The following OPCML variants were observed in gnomAD, a reference collection of about 807,000 sequenced individuals.
OPCML encodes the protein opioid binding protein/cell adhesion molecule like, also known as opioid-binding protein/cell adhesion molecule.
In OPCML, 13 loss-of-function variants were observed where a neutral mutation model predicts 37.8. The observed-to-expected ratio is 0.34, with a 90% CI of 0.22 to 0.55. OPCML has a LOEUF of 0.55. Among genes scored for constraint, OPCML ranks in the 20% least tolerant of loss-of-function variants. OPCML has a pLI of 0.91. For synonymous variants in OPCML, 176 were observed against 168.8 expected (o/e 1.04, Z -0.33); for missense variants, 341 against 435.6 (o/e 0.78, Z 1.93).
At chr11:133,062,381 G>A (rs775493863) in intron 1 of OPCML, among the ~76,000 whole-genome samples, 9 of 152,122 alleles carry the variant, frequency 5.9e-5, no homozygotes, top group East Asian at 1.9e-4. Flanking sequence ...GTGTCTTCTC[G>A]AGCCTTTTCT....
intron 2 of OPCML, among the ~76,000 whole-genome samples, chr11:132,932,152 G>A (rs1285829424): frequency 6.6e-6 from 1 of 152,154 alleles, no homozygotes; most frequent in East Asian, 1.9e-4. Context: ...AAGCTGGGGG[G>A]AGGGAAGAAT....
intron 1 of OPCML, among the ~76,000 whole-genome samples, chr11:133,052,000 T>C (rs7108715): frequency 0.84 from 127,784 of 152,210 alleles, 53,814 homozygotes; most frequent in Middle Eastern, 0.92. Context: ...GCAAAGCTTC[T>C]TTAGAATTTG....
intron 1 of OPCML, among the ~76,000 whole-genome samples, chr11:133,082,936 A>C (rs1456565903): frequency 2.3e-4 from 35 of 150,354 alleles, no homozygotes; most frequent in Non-Finnish European, 4.6e-4. Context: ...GCCGGGGCGG[A>C]CGTCGCGCCA....
chr11:132,636,121 T>G (rs886393893), intron 3 of OPCML, among the ~76,000 whole-genome samples: 4 of 152,194 alleles, frequency 2.6e-5, no homozygotes, highest in African/African-American at 7.2e-5. Context: ...TGTATTCAGA[T>G]TTTTAGGGTC....
chr11:132,712,827 A>AT (rs1352168468), intron 2 of OPCML, among the ~76,000 whole-genome samples: 1 of 152,182 alleles, frequency 6.6e-6, no homozygotes, highest in Non-Finnish European at 1.5e-5. Flanking sequence ...GGGAAATGAC[A>AT]TGCAGTTTAC....
At chr11:133,289,522 G>A (rs1942407384) in intron 1 of OPCML, among the ~76,000 whole-genome samples, 1 of 149,010 alleles carries the variant, frequency 6.7e-6, no homozygotes, top group South Asian at 2.2e-4. Context: ...GTGAACCCGG[G>A]AGGCGGAGCT....
intron 3 of OPCML, among the ~76,000 whole-genome samples, chr11:132,601,569 G>A (rs1029192849): frequency 2.0e-5 from 3 of 152,220 alleles, no homozygotes; most frequent in African/African-American, 4.8e-5. Context: ...GATAATTAAA[G>A]GATATCTGGT....
At chr11:132,488,567 C>G (rs868040992) in intron 4 of OPCML, among the ~76,000 whole-genome samples, 1 of 152,168 alleles carries the variant, frequency 6.6e-6, no homozygotes, top group Non-Finnish European at 1.5e-5. Context: ...CTGGAAGTTC[C>G]TCTGGGAGTC....
At chr11:132,798,816 G>C (rs1163336278) in intron 2 of OPCML, among the ~76,000 whole-genome samples, 1 of 152,218 alleles carries the variant, frequency 6.6e-6, no homozygotes, top group East Asian at 1.9e-4. Flanking sequence ...TAACAGGCAT[G>C]AAAACAATAT....
At chr11:133,154,882 C>T (rs755348629) in intron 1 of OPCML, among the ~76,000 whole-genome samples, 2 of 152,144 alleles carry the variant, frequency 1.3e-5, no homozygotes, top group Non-Finnish European at 2.9e-5. Context: ...CTCTGCATTG[C>T]CTTGAATTGC....
chr11:132,598,008 A>G (rs969511997), intron 3 of OPCML, among the ~76,000 whole-genome samples: 3 of 151,968 alleles, frequency 2.0e-5, no homozygotes, highest in African/African-American at 7.3e-5. Context: ...GACCCAGTTA[A>G]AAGGTCATAT....
chr11:132,898,506 T>A (rs1943931713), intron 2 of OPCML, among the ~76,000 whole-genome samples: 1 of 152,184 alleles, frequency 6.6e-6, no homozygotes, highest in African/African-American at 2.4e-5. Context: ...AGCAACAAGC[T>A]TGACAGAACA....
At chr11:132,818,643 A>AGT (rs200336925) in intron 2 of OPCML, among the ~76,000 whole-genome samples, 28,558 of 52,802 alleles carry the variant, frequency 0.54, 3,988 homozygotes, top group Non-Finnish European at 0.56. Flanking sequence ...GATAGATATG[A>AGT]GTGTATATAT....
At chr11:132,727,539 C>G (rs1944929634) in intron 2 of OPCML, among the ~76,000 whole-genome samples, 1 of 152,176 alleles carries the variant, frequency 6.6e-6, no homozygotes, top group Non-Finnish European at 1.5e-5. Flanking sequence ...CCTGGCACAC[C>G]CGGAGCCCTA....
At chr11:133,513,444 C>A (rs2120640533) in intron 1 of OPCML, among the ~76,000 whole-genome samples, 1 of 152,314 alleles carries the variant, frequency 6.6e-6, no homozygotes, top group East Asian at 1.9e-4. Flanking sequence ...AGCCAATCCC[C>A]AAACATCAGT....
chr11:133,005,646 GA>G (rs112146953), intron 1 of OPCML: 97 of 978,666 alleles, frequency 9.9e-5, no homozygotes, highest in Admixed American at 1.2e-4. Context: ...AGCCATCCAA[GA>G]AAAAAAAACT....
chr11:133,257,472 A>G lies in OPCML; in HGVS notation c.61+274792T>C, dbSNP rs1325806842. ...TACGATCGGTTGTTTCTGTACCTGT[A>G]TCACAAGTTGGGTTGTGTGGCTGCT... On this transcript the variant is annotated intron_variant, in intron 1 of 7. Coordinates refer to ENST00000524381, the MANE Select transcript of OPCML (RefSeq NM_001012393.5). Among the ~76,000 whole-genome samples the G allele has an allele frequency of 3.9e-5, 6 of 152,320 alleles. No homozygotes were observed. In the Middle Eastern group the frequency reaches 0.01, roughly 259 times the overall value.
chr11:132,678,779 C>T (rs1377837881), intron 2 of OPCML, among the ~76,000 whole-genome samples: 1 of 152,156 alleles, frequency 6.6e-6, no homozygotes, highest in Non-Finnish European at 1.5e-5. Flanking sequence ...AGTTGAACTA[C>T]TCTGTATAAT....
intron 2 of OPCML, among the ~76,000 whole-genome samples, chr11:132,863,617 G>A (rs1942400338): frequency 6.6e-6 from 1 of 152,108 alleles, no homozygotes; most frequent in Admixed American, 6.5e-5. Context: ...CTCCAAAGTC[G>A]GCCATCCAAC....
Sources: allele counts gnomAD v4.1 joint callset (sites outside exome capture counted in the v4.1 genomes callset), GRCh38; gene constraint gnomAD v4.1.1; transcripts MANE v1.5; gene names NCBI Gene and HGNC (gene_info 2026-07-23, HGNC 2026-07-21).